Variants in FAM193A observed in about 807,000 individuals in gnomAD.
FAM193A encodes the protein protein FAM193A.
In FAM193A, 22 loss-of-function variants were observed where a neutral mutation model predicts 126.5. That is an observed-to-expected ratio of 0.17 (90% CI 0.12 to 0.25). The LOEUF (loss-of-function observed/expected upper bound fraction) is 0.25. FAM193A is among the 10% of genes least tolerant of loss of function. The probability of loss-of-function intolerance (pLI) is 1.00; values close to 1 mark genes in which losing one functional copy is unlikely to be tolerated. For missense variants in FAM193A, 1,675 were observed against 1,672.8 expected (o/e 1.00, Z -0.02); for synonymous variants, 761 against 646.8 (o/e 1.18, Z -2.68).
At chr4:2,684,915 C>T (rs1352912352) in intron 13 of FAM193A, among the ~76,000 whole-genome samples, 1 of 152,192 alleles carries the variant, frequency 6.6e-6, no homozygotes, top group African/African-American at 2.4e-5. Context: ...AAGAGAAGAG[C>T]AAAGCCGAGC....
intron 2 of FAM193A, among the ~76,000 whole-genome samples, chr4:2,596,806 T>G (rs1438586876): frequency 4.0e-5 from 6 of 151,896 alleles, no homozygotes; most frequent in African/African-American, 1.2e-4. Context: ...CCTGATGGAG[T>G]TTTGGTGGGC....
chr4:2,562,225 A>G (rs995790484), intron 1 of FAM193A, among the ~76,000 whole-genome samples: 6 of 152,094 alleles, frequency 3.9e-5, no homozygotes, highest in African/African-American at 1.4e-4. Flanking sequence ...AGGCAGGAGG[A>G]TTGCTTGAGC....
intron 1 of FAM193A, among the ~76,000 whole-genome samples, chr4:2,537,551 C>T (rs1000225100): frequency 6.6e-6 from 1 of 152,228 alleles, no homozygotes; most frequent in African/African-American, 2.4e-5. Flanking sequence ...GCGGGTGATA[C>T]CCGCGAGGCC....
rs1441793828 is a variant in FAM193A at position 2,660,029 on chromosome 4, A to G, written c.1720A>G (p.Thr574Ala). The G allele has an allele frequency of 1.2e-6, 2 of 1,614,044 alleles. No homozygotes were observed. The highest frequency in any genetic ancestry group is 2.2e-5 in the East Asian group (1 of 44,884). ...TIQQHPRLIL[T>A]DSGSAPTFCS... ...TCAGCAGCACCCCAGGCTCATCCTC[A>G]CAGACAGTGGCTCGGCACCAACTTT... is the stretch of plus-strand genomic sequence containing the variant. The change falls in exon 10 of 21, where the codon ACA becomes GCA. Residue 574 changes from threonine to alanine, a missense_variant. By Grantham distance (58) the Thr-to-Ala change is moderately conservative. Coordinates refer to ENST00000637812, the MANE Select transcript of FAM193A (RefSeq NM_001366318.2).
chr4:2,575,978 A>G (rs560398818), intron 1 of FAM193A, among the ~76,000 whole-genome samples: 2 of 152,326 alleles, frequency 1.3e-5, no homozygotes, highest in South Asian at 2.1e-4. Flanking sequence ...TGAGTTAGAC[A>G]ACAATGAGGG....
At chr4:2,547,919 C>G (rs1737669015) in intron 1 of FAM193A, among the ~76,000 whole-genome samples, 4 of 152,074 alleles carry the variant, frequency 2.6e-5, no homozygotes, top group Admixed American at 2.6e-4. Context: ...GCCACTGAGC[C>G]TGGCCTCTTA....
chr4:2,568,295 G>GT (rs1326409552), intron 1 of FAM193A, among the ~76,000 whole-genome samples: 1 of 152,178 alleles, frequency 6.6e-6, no homozygotes, highest in African/African-American at 2.4e-5. Flanking sequence ...TTCATAGCCA[G>GT]TAAGTGTTTC....
intron 2 of FAM193A, among the ~76,000 whole-genome samples, chr4:2,617,004 A>G (rs1742227607): frequency 6.8e-6 from 1 of 146,328 alleles, no homozygotes; most frequent in Admixed American, 6.7e-5. Flanking sequence ...CCCCGTCTCT[A>G]CTAAAATACA....
At chr4:2,712,594 C>T (rs775989779) in intron 19 of FAM193A, among the ~76,000 whole-genome samples, 2 of 152,090 alleles carry the variant, frequency 1.3e-5, no homozygotes, top group African/African-American at 2.4e-5. Flanking sequence ...GGTTTTAGGA[C>T]GTTCTCTTGT....
At chr4:2,679,275 G>A (rs372484432) in intron 13 of FAM193A, among the ~76,000 whole-genome samples, 3 of 151,452 alleles carry the variant, frequency 2.0e-5, no homozygotes, top group South Asian at 2.1e-4. Context: ...TGGTCATGGT[G>A]TATGAATCTT....
intron 19 of FAM193A, chr4:2,708,332 T>G (rs969384394): frequency 3.7e-6 from 1 of 269,024 alleles, no homozygotes; most frequent in Non-Finnish European, 7.6e-6. Context: ...ACCATGTTGG[T>G]CAAGTTGGTC....
intron 1 of FAM193A, among the ~76,000 whole-genome samples, chr4:2,594,746 A>T (rs1174333772): frequency 6.8e-6 from 1 of 147,446 alleles, no homozygotes. Flanking sequence ...ACACACACAC[A>T]CTTGCTGGTC....
chr4:2,660,188 T>G (rs1199989253), intron 10 of FAM193A, 134 bp downstream of exon 10: 4 of 909,230 alleles, frequency 4.4e-6, no homozygotes, highest in African/African-American at 3.3e-5. Context: ...AGGTTTTTAA[T>G]GCAGCTTTTA....
At chr4:2,629,013 C>T (rs538841698) in intron 4 of FAM193A, among the ~76,000 whole-genome samples, 121 of 152,128 alleles carry the variant, frequency 8.0e-4, no homozygotes, top group African/African-American at 2.7e-3. Flanking sequence ...ACACCATGCC[C>T]GGCTAATTTT....
At chr4:2,701,425 G>A (rs1340554750) in intron 19 of FAM193A, among the ~76,000 whole-genome samples, 4 of 151,888 alleles carry the variant, frequency 2.6e-5, no homozygotes, top group African/African-American at 7.3e-5. Flanking sequence ...AGAGTGCAGC[G>A]CATTTATTTT....
chr4:2,555,918 T>G (rs189528826), intron 1 of FAM193A, among the ~76,000 whole-genome samples: 1 of 151,490 alleles, frequency 6.6e-6, no homozygotes, highest in Non-Finnish European at 1.5e-5. Context: ...GTTTTTTTTT[T>G]TTTGAGATGG....
chr4:2,653,568 C>T (rs533214162), intron 7 of FAM193A, among the ~76,000 whole-genome samples: 127 of 152,154 alleles, frequency 8.3e-4, no homozygotes, highest in African/African-American at 2.4e-3. Context: ...CTCAGCCTCC[C>T]GAGTAGTAGG....
chr4:2,566,052 T>C (rs974754708), intron 1 of FAM193A, among the ~76,000 whole-genome samples: 54 of 135,072 alleles, frequency 4.0e-4, no homozygotes, highest in African/African-American at 1.5e-3. Flanking sequence ...GGAAAATTGC[T>C]TTTTTTTTTT....
chr4:2,682,383 T>G (rs77844767), intron 13 of FAM193A, among the ~76,000 whole-genome samples: 423 of 152,234 alleles, frequency 2.8e-3, no homozygotes, highest in African/African-American at 7.7e-3. Flanking sequence ...AAGCTGAACT[T>G]GAACTCCTAG....
Sources: allele counts gnomAD v4.1 joint callset (sites outside exome capture counted in the v4.1 genomes callset), GRCh38; gene constraint gnomAD v4.1.1; transcripts MANE v1.5; gene names NCBI Gene and HGNC (gene_info 2026-07-23, HGNC 2026-07-21).